Variants in TCF7L1 observed in about 807,000 individuals in gnomAD.
TCF7L1 encodes the protein transcription factor 7-like 1.
Under a neutral mutation model 63.7 loss-of-function variants are expected in TCF7L1, and 18 were observed. The ratio of observed to expected loss-of-function variants is 0.28; its 90% CI spans 0.20 to 0.42. The LOEUF is 0.42. TCF7L1 is among the 10% of genes least tolerant of loss of function. The pLI, the probability that TCF7L1 is intolerant of heterozygous loss-of-function variation, is 1.00. For missense variants in TCF7L1, 654 were observed against 779.3 expected (o/e 0.84, Z 1.91); for synonymous variants, 355 against 340.9 (o/e 1.04, Z -0.46).
chr2:85,211,898 T>C (rs1188234499), intron 3 of TCF7L1, among the ~76,000 whole-genome samples: 1 of 152,102 alleles, frequency 6.6e-6, no homozygotes, highest in African/African-American at 2.4e-5. Context: ...AAGACCAGCC[T>C]GGCCAACATG....
At chr2:85,164,890 A>G (rs1240507882) in intron 3 of TCF7L1, among the ~76,000 whole-genome samples, 1 of 152,232 alleles carries the variant, frequency 6.6e-6, no homozygotes, top group East Asian at 1.9e-4. Context: ...AATTCTTAAT[A>G]CTTCAGAATT....
intron 3 of TCF7L1, among the ~76,000 whole-genome samples, chr2:85,167,654 A>T (rs1398650473): frequency 6.6e-6 from 1 of 152,208 alleles, no homozygotes; most frequent in Non-Finnish European, 1.5e-5. Context: ...ACTTGAGCCC[A>T]GAAGTTCGAG....
intron 3 of TCF7L1, among the ~76,000 whole-genome samples, chr2:85,203,254 A>G (rs1187335011): frequency 6.6e-6 from 1 of 152,210 alleles, no homozygotes. Context: ...TATTATGTGT[A>G]TCTTAACACC....
At chr2:85,193,147 C>T (rs897781385) in intron 3 of TCF7L1, among the ~76,000 whole-genome samples, 3 of 152,260 alleles carry the variant, frequency 2.0e-5, no homozygotes, top group Admixed American at 2.0e-4. Flanking sequence ...GTAGAGCACT[C>T]AGGCTAAAAT....
At chr2:85,172,817 C>T (rs2104238386) in intron 3 of TCF7L1, among the ~76,000 whole-genome samples, 1 of 152,260 alleles carries the variant, frequency 6.6e-6, no homozygotes, top group African/African-American at 2.4e-5. Flanking sequence ...AGTGAGGCCT[C>T]CCCTGACCAC....
At chr2:85,148,009 T>G (rs2568218) in intron 3 of TCF7L1, among the ~76,000 whole-genome samples, 102,238 of 151,972 alleles carry the variant, frequency 0.67, 34,620 homozygotes, top group East Asian at 0.91. Flanking sequence ...TAGAGGAGAG[T>G]TACCATGGGA....
chr2:85,301,892 G>A (rs904323485), intron 4 of TCF7L1, among the ~76,000 whole-genome samples: 5 of 152,142 alleles, frequency 3.3e-5, no homozygotes, highest in South Asian at 2.1e-4. Flanking sequence ...TTGGGAGGCC[G>A]AGGCGGGTGG....
chr2:85,285,855 C>T (rs1443005553), intron 4 of TCF7L1, among the ~76,000 whole-genome samples: 2 of 152,130 alleles, frequency 1.3e-5, no homozygotes, highest in African/African-American at 4.8e-5. Flanking sequence ...TGCATATTGT[C>T]GCATCTCCAT....
intron 3 of TCF7L1, among the ~76,000 whole-genome samples, chr2:85,153,340 A>ATCTTT: frequency 9.8e-6 from 1 of 102,308 alleles, no homozygotes; most frequent in Non-Finnish European, 1.8e-5. Context: ...GCCTTTATAA[A>ATCTTT]TTTTTTTTTT....
intron 3 of TCF7L1, among the ~76,000 whole-genome samples, chr2:85,205,230 AC>A (rs1679374359): frequency 6.6e-6 from 1 of 152,206 alleles, no homozygotes; most frequent in Non-Finnish European, 1.5e-5. Flanking sequence ...TGCTTTTGGA[AC>A]TTGAAAAAGA....
chr2:85,264,294 G>A (rs973335304), intron 3 of TCF7L1, among the ~76,000 whole-genome samples: 2 of 152,188 alleles, frequency 1.3e-5, no homozygotes, highest in African/African-American at 4.8e-5. Flanking sequence ...GGATAGAATG[G>A]AATATGGAAA....
At chr2:85,180,548 C>T (rs936065268) in intron 3 of TCF7L1, among the ~76,000 whole-genome samples, 2 of 152,188 alleles carry the variant, frequency 1.3e-5, no homozygotes, top group African/African-American at 4.8e-5. Flanking sequence ...TGAATCTTCT[C>T]AGTTATCCAC....
At chr2:85,273,118 G>T (rs2104358219) in intron 3 of TCF7L1, among the ~76,000 whole-genome samples, 2 of 152,254 alleles carry the variant, frequency 1.3e-5, no homozygotes, top group East Asian at 3.9e-4. Flanking sequence ...ACCAGAAGGG[G>T]CAGCTGCCCA....
At chr2:85,183,707 C>G (rs1261097693) in intron 3 of TCF7L1, among the ~76,000 whole-genome samples, 2 of 152,142 alleles carry the variant, frequency 1.3e-5, no homozygotes, top group Non-Finnish European at 2.9e-5. Flanking sequence ...TGACTCCAGG[C>G]TGTTTGGAGA....
intron 3 of TCF7L1, among the ~76,000 whole-genome samples, chr2:85,258,760 G>A (rs553403456): frequency 6.3e-4 from 96 of 152,292 alleles, no homozygotes; most frequent in Non-Finnish European, 1.2e-3. Context: ...GGTTGGGGGG[G>A]CTGTCTGCAT....
chr2:85,192,076 C>G (rs967144518), intron 3 of TCF7L1, among the ~76,000 whole-genome samples: 1 of 152,132 alleles, frequency 6.6e-6, no homozygotes, highest in African/African-American at 2.4e-5. Flanking sequence ...GCTGGGTGTT[C>G]CAGCTATGTA....
At chr2:85,290,279 C>T (rs1238416449) in intron 4 of TCF7L1, among the ~76,000 whole-genome samples, 2 of 152,322 alleles carry the variant, frequency 1.3e-5, no homozygotes, top group East Asian at 3.9e-4. Context: ...CCTCACCCGG[C>T]CCCAGTTTTT....
Position 85,282,735 on chromosome 2 carries a change from T to A in TCF7L1, c.442-760T>A, listed in dbSNP as rs550490146. ...CCAGTGCTCCTGACTGCTGCTCCAC[T>A]CAACTCATTCTTTCTAGGCTCTTGG... On this transcript the variant is annotated intron_variant, in intron 3 of 11. Coordinates refer to ENST00000282111, the MANE Select transcript of TCF7L1 (RefSeq NM_031283.3). Among the ~76,000 whole-genome samples, 6 of 151,338 alleles carry A rather than the reference T, an allele frequency of 4.0e-5. No homozygotes were observed. The South Asian group carries it at 1.3e-3, about 32-fold the overall frequency.
In TCF7L1 at chr2:85,302,490, A is replaced by G; in HGVS notation, c.532A>G (p.Lys178Glu). ...RSPSPAHLSN[K>E]VPVVQHPHHM... ...TCTTTTTTGTCTCTTTCAGTCTAAT[A>G]AAGTTCCTGTCGTTCAGCACCCGCA... The change falls in exon 5 of 12, where the codon AAA becomes GAA. Residue 178 changes from lysine (K) to glutamate (E), a missense_variant. Around this residue, in one of 3 missense-constraint regions of TCF7L1, gnomAD observed 404 missense variants for 454.8 expected, o/e 0.89. Transcript: ENST00000282111. 1 of 1,614,108 alleles carries G rather than the reference A, an allele frequency of 6.2e-7. No homozygotes were observed. The highest frequency in any genetic ancestry group is 8.5e-7 in the Non-Finnish European group (1 of 1,180,014).
Sources: gnomAD v4.1 joint callset for allele counts (sites outside exome capture counted in the v4.1 genomes callset) on GRCh38, gnomAD v4.1.1 for gene constraint, gnomAD v4.1.1 regional missense constraint, MANE v1.5 for transcripts, NCBI Gene and HGNC (gene_info 2026-07-23, HGNC 2026-07-21) for gene names.